MPV17: variants seen among roughly 807,000 people sequenced by gnomAD.
MPV17 encodes MPV17, mitochondrial inner membrane protein.
Under a neutral mutation model 28.6 loss-of-function variants are expected in MPV17, and 31 were observed. The observed-to-expected ratio is 1.08, with a 90% CI of 0.81 to 1.46. The LOEUF is 1.46. Among genes scored for constraint, MPV17 ranks in the 40% most tolerant of loss-of-function variants. MPV17 has a pLI of 0.00. For synonymous variants in MPV17, 87 were observed against 85.3 expected, an observed-to-expected ratio of 1.02 and a Z score of -0.11; for missense variants, 198 against 216.2, an observed-to-expected ratio of 0.92 and a Z score of 0.53.
intron 2 of MPV17, among the ~76,000 whole-genome samples, chr2:27,319,693 G>A (rs767668923): frequency 6.6e-6 from 1 of 151,438 alleles, no homozygotes; most frequent in African/African-American, 2.4e-5. Context: ...GGGAGGCTGA[G>A]GTGGGCGGAT....
chr2:27,309,764 G>A lies in MPV17; in HGVS notation c.*148C>T. 1.4e-6 allele frequency: 1 copy of A among 711,168 alleles called. No individual in the cohort carries two copies. Among genetic ancestry groups the A allele is most frequent in the Non-Finnish European group, 2.6e-6 (1 of 381,950 alleles). 44.1% of individuals were successfully genotyped at this position (711,168 alleles called of 1,614,324 possible). ...CAGTCAGTGTACATTTTAGAGTGAA[G>A]AGGGGCATTGCAGGGTGCTAGTCCT... On this transcript the variant is annotated 3_prime_UTR_variant, in exon 8 of 8. Transcript: ENST00000380044.
In MPV17 at chr2:27,312,594, G is replaced by C; in HGVS notation, c.280-5C>G. On this transcript the variant is annotated splice_polypyrimidine_tract_variant and splice_region_variant and intron_variant, in intron 4 of 7. Transcript: ENST00000380044. The stretch of plus-strand genomic sequence containing the variant: ...AAAACACGGGGCAAAGCCCCCCTAG[G>C]GAAGAGAAATTAAAGTCCTATGAGT... 6.2e-7 allele frequency: 1 copy of C among 1,614,058 alleles called. No homozygotes were observed. Among genetic ancestry groups the C allele is most frequent in the Non-Finnish European group, 8.5e-7 (1 of 1,179,940 alleles).
At position 27,313,050 on chromosome 2, in the gene MPV17, G is replaced by A. The variant is rs772370243; in HGVS notation, c.130C>T (p.Gln44Ter). The change falls in exon 3 of 8, where the codon CAG becomes TAG. Residue 44 changes from glutamine (Q) to a stop codon, truncating the protein, a stop_gained. Coordinates refer to ENST00000380044, the MANE Select transcript of MPV17 (RefSeq NM_002437.5). LOFTEE classifies it high-confidence loss of function. Reference sequence around the variant, plus strand: ...AGAGTCCGGCCTCTCTGGTGTTCCTGCAGACCCCGCCTCTCCACCAGCTGC... The same window carrying A: ...AGAGTCCGGCCTCTCTGGTGTTCCTACAGACCCCGCCTCTCCACCAGCTGC... ...SQQLVERRGL[Q>*]EHQRGRTLTM... 6.2e-7 allele frequency: 1 copy of A among 1,614,160 alleles called. No individual in the cohort carries two copies. Among genetic ancestry groups the A allele is most frequent in the Non-Finnish European group, 8.5e-7 (1 of 1,180,028 alleles).
rs182612163 is a variant in MPV17, at chr2:27,317,153, G to A, written c.71-4044C>T. ...CTTCTTGGAGTGAGGAGCAGGAAGC[G>A]TGTCCTTCAGTCCAGGAGGCCTGGG... On this transcript the variant is annotated intron_variant, in intron 2 of 7. Transcript: ENST00000380044. The surrounding 1 kb of genome is among the most constrained non-coding windows in gnomAD (Gnocchi z 4.0). 2.8e-5 allele frequency: 43 copies of A among 1,550,228 alleles called. 1 individual carries two copies. The Middle Eastern group carries it at 5.1e-4, about 18-fold the overall frequency.
Position 27,319,256 on chromosome 2 carries a change from A to T in MPV17, c.70+3192T>A, listed in dbSNP as rs576639764. Among the ~76,000 whole-genome samples, 8 of 152,030 alleles carry T rather than the reference A, an allele frequency of 5.3e-5. No individual in the cohort carries two copies. The South Asian group carries it at 1.7e-3, about 32-fold the overall frequency. ...CTGCTTTCCGGAACCCAAGGCTAAGATAGTGATCCATGTTCAGATTATGGC... is the reference window on the plus strand; with the variant it reads ...CTGCTTTCCGGAACCCAAGGCTAAGTTAGTGATCCATGTTCAGATTATGGC... On this transcript the variant is annotated intron_variant, in intron 2 of 7. Coordinates refer to ENST00000380044, the MANE Select transcript of MPV17 (RefSeq NM_002437.5).
chr2:27,317,332 G>T lies in MPV17; in HGVS notation c.71-4223C>A. The T allele has an allele frequency of 9.5e-7, 1 of 1,055,758 alleles. No homozygotes were observed. 65.4% of individuals were successfully genotyped at this position (1,055,758 alleles called of 1,614,324 possible). On this transcript the variant is annotated intron_variant, in intron 2 of 7. Transcript: ENST00000380044. The surrounding 1 kb of genome is among the most constrained non-coding windows in gnomAD (Gnocchi z 4.0). ...CAGCGGGAGGGGAGTGGATCCTCTGGGATTATTCTGAATGCTCTCCCATTT... is the reference window on the plus strand; with the variant it reads ...CAGCGGGAGGGGAGTGGATCCTCTGTGATTATTCTGAATGCTCTCCCATTT...
At chr2:27,312,927 C>T (rs1679509866) in intron 3 of MPV17, 67 bp downstream of exon 3, 1 of 1,589,398 alleles carries the variant, frequency 6.3e-7, no homozygotes, top group Admixed American at 1.7e-5. Flanking sequence ...CCAAGGGAAG[C>T]CAAAGGATGG....
In MPV17 at chr2:27,310,104, T is replaced by G. The variant is rs935757115; in HGVS notation, c.462-123A>C. 5.1e-4 allele frequency: 399 copies of G among 783,858 alleles called. 1 individual carries two copies. Among genetic ancestry groups the G allele is most frequent in the Non-Finnish European group, 2.2e-4 (99 of 443,658 alleles). 48.6% of individuals were successfully genotyped at this position (783,858 alleles called of 1,614,324 possible). ...AAGGATTGGCAGGTTTAGGTCTCTT[T>G]CCTTCAGCACCTTTTTTTTGAGATG... On this transcript the variant is annotated intron_variant, in intron 7 of 7. Coordinates refer to ENST00000380044, the MANE Select transcript of MPV17 (RefSeq NM_002437.5).
intron 2 of MPV17, among the ~76,000 whole-genome samples, chr2:27,314,916 C>T (rs1040420631): frequency 1.3e-5 from 2 of 152,240 alleles, no homozygotes; most frequent in African/African-American, 4.8e-5. Context: ...CCCTGAGCAG[C>T]CTAGTCAGTG....
intron 7 of MPV17, chr2:27,311,594 C>A: frequency 6.4e-7 from 1 of 1,550,532 alleles, no homozygotes; most frequent in Admixed American, 2.0e-5. Context: ...GGCTGCAGCA[C>A]CCCAGCCACT....
chr2:27,314,354 G>A (rs1401970664), intron 2 of MPV17, among the ~76,000 whole-genome samples: 1 of 152,086 alleles, frequency 6.6e-6, no homozygotes, highest in African/African-American at 2.4e-5. Context: ...AAACAAGAGT[G>A]CTCAAATGGT....
chr2:27,320,321 C>A (rs920318791), intron 2 of MPV17, among the ~76,000 whole-genome samples: 1 of 151,372 alleles, frequency 6.6e-6, no homozygotes, highest in Non-Finnish European at 1.5e-5. Context: ...TATAACTAAA[C>A]TCAAGATTTT....
intron 2 of MPV17, among the ~76,000 whole-genome samples, chr2:27,321,309 T>C (rs919346360): frequency 2.0e-5 from 3 of 152,166 alleles, no homozygotes; most frequent in Non-Finnish European, 1.5e-5. Context: ...TGACGGACGC[T>C]GAGGACAGGA....
intron 2 of MPV17, among the ~76,000 whole-genome samples, chr2:27,320,669 CAAA>C (rs1679825862): frequency 6.6e-6 from 1 of 152,142 alleles, no homozygotes; most frequent in Non-Finnish European, 1.5e-5. Flanking sequence ...AACTAAGGCT[CAAA>C]GAAGCTTACT....
chr2:27,314,933 G>A (rs923389766), intron 2 of MPV17, among the ~76,000 whole-genome samples: 13 of 152,218 alleles, frequency 8.5e-5, no homozygotes, highest in African/African-American at 3.1e-4. Context: ...AGTGGCAGCT[G>A]GGTATGGCTG....
chr2:27,318,913 C>T (rs1424852517), intron 2 of MPV17, among the ~76,000 whole-genome samples: 1 of 151,542 alleles, frequency 6.6e-6, no homozygotes, highest in African/African-American at 2.4e-5. Flanking sequence ...TACAGGCACC[C>T]GCCACCATGC....
intron 2 of MPV17, 178 bp from the exon 3 acceptor site, chr2:27,313,287 T>C: frequency 7.3e-7 from 1 of 1,363,192 alleles, no homozygotes; most frequent in Non-Finnish European, 1.0e-6. Flanking sequence ...TCCCCAATGA[T>C]GGTGACACCT....
chr2:27,313,174 G>A (rs776709514), intron 2 of MPV17, 65 bp from the exon 3 acceptor site: 13 of 1,611,656 alleles, frequency 8.1e-6, no homozygotes, highest in Admixed American at 6.7e-5. Flanking sequence ...CAAGGAGGGA[G>A]GGACATCTGC....
At chr2:27,322,328 A>G (rs1429616292) in intron 2 of MPV17, 120 bp downstream of exon 2, 9 of 913,688 alleles carry the variant, frequency 9.9e-6, no homozygotes, top group Non-Finnish European at 1.6e-5. Context: ...AGGATGAAAG[A>G]CAGCCAACCC....
Sources: allele counts gnomAD v4.1 joint callset (sites outside exome capture counted in the v4.1 genomes callset), GRCh38; gene constraint gnomAD v4.1.1; non-coding constraint Gnocchi (gnomAD v3.1); transcripts MANE v1.5; gene names NCBI Gene and HGNC (gene_info 2026-07-23, HGNC 2026-07-21).